Variants in DRG2 observed in about 807,000 individuals in gnomAD.
DRG2 encodes the protein developmentally regulated GTP binding protein 2.
DRG2 carries 36 observed loss-of-function variants against 53.4 expected under a neutral mutation model. The observed-to-expected ratio is 0.67, with a 90% CI of 0.52 to 0.89. The LOEUF is 0.89. DRG2 is among the 40% of genes least tolerant of loss of function. DRG2 has a pLI of 0.00. For synonymous variants in DRG2, 167 were observed against 192.1 expected, an observed-to-expected ratio of 0.87 and a Z score of 1.08; for missense variants, 342 against 481.2, an observed-to-expected ratio of 0.71 and a Z score of 2.71.
intron 11 of DRG2, 111 bp from the exon 12 acceptor site, chr17:18,106,322 G>A (rs908222916): frequency 1.1e-5 from 13 of 1,231,998 alleles, no homozygotes; most frequent in South Asian, 6.1e-5. Context: ...GGCACCTGCC[G>A]CGGGAACTCC....
In DRG2 at chr17:18,101,496, T is replaced by A. The variant is rs1236637499; in HGVS notation, c.635T>A (p.Ile212Asn). 6.2e-7 allele frequency: 1 copy of A among 1,614,054 alleles called. No homozygotes were observed. Among genetic ancestry groups the A allele is most frequent in the Non-Finnish European group, 8.5e-7 (1 of 1,180,012 alleles). ...GCCCTTAATCGGAGCCCCTCAGAGATCTTCAATGCAGAAGTGCTTTTCCGA... is the reference window on the plus strand; with the variant it reads ...GCCCTTAATCGGAGCCCCTCAGAGAACTTCAATGCAGAAGTGCTTTTCCGA... ...LVQLILHEYK[I>N]FNAEVLFRED... Residue 212 changes from isoleucine (I) to asparagine (N), a missense_variant, in exon 8 of 13, where the codon ATC (isoleucine) becomes AAC (asparagine). Physicochemically the swap from Ile to Asn is moderately radical, Grantham distance 149 (BLOSUM62 -3). Transcript: ENST00000225729.
chr17:18,098,587 C>T lies in DRG2; in HGVS notation c.315+228C>T, dbSNP rs911149211. 6 of 501,890 alleles carry T rather than the reference C, an allele frequency of 1.2e-5. No homozygotes were observed. The highest frequency in any genetic ancestry group is 9.9e-5 in the Admixed American group (3 of 30,184). The allele number at this position is 501,890 out of a possible 1,614,324, so 31.1% of individuals were successfully genotyped here. On this transcript the variant is annotated intron_variant, in intron 3 of 12. Transcript: ENST00000225729. The surrounding 1 kb of genome is among the most constrained non-coding windows in gnomAD (Gnocchi z 4.1). ...AGGAGGTCAGGCCAGCATGTGGCTA[C>T]TTTGCCTGGCGCCCCCTGTGCTCTC...
chr17:18,097,321 T>C (rs1242904056), intron 2 of DRG2: 3 of 152,294 alleles, frequency 2.0e-5, no homozygotes, highest in African/African-American at 7.2e-5. Flanking sequence ...ATTCTGGACT[T>C]GAGAGGTCTA....
Position 18,107,349 on chromosome 17 carries a change from A to G in DRG2, c.*109A>G. ...AAATACAAATACACGTACCCCAGGA[A>G]GGGGTCCCTCAAGTCTCTGCTATTT... On this transcript the variant is annotated 3_prime_UTR_variant, in exon 13 of 13. Coordinates refer to ENST00000225729, the MANE Select transcript of DRG2 (RefSeq NM_001388.5). 1 of 1,094,330 alleles carries G rather than the reference A, an allele frequency of 9.1e-7. No homozygotes were observed. Among genetic ancestry groups the G allele is most frequent in the Non-Finnish European group, 1.3e-6 (1 of 746,578 alleles). 67.8% of individuals were successfully genotyped at this position (1,094,330 alleles called of 1,614,324 possible).
chr17:18,093,999 G>A (rs768135292), intron 2 of DRG2, 26 bp downstream of exon 2: 86 of 1,596,786 alleles, frequency 5.4e-5, no homozygotes, highest in Non-Finnish European at 6.9e-5. Context: ...TGTGGGCCTC[G>A]GGGAGGAAAG....
chr17:18,103,886 G>A lies in DRG2; in HGVS notation c.892G>A (p.Gly298Arg), dbSNP rs200648354. Reference sequence around the variant, plus strand: ...GACCTGCATCTACACCAAGAAGAGAGGACGTGAGTTGCACTGCGCGTAGCT... The same window carrying A: ...GACCTGCATCTACACCAAGAAGAGAAGACGTGAGTTGCACTGCGCGTAGCT... ...ALTCIYTKKR[G>R]QRPDFTDAII... The change falls in exon 10 of 13, where the codon GGA (glycine) becomes AGA (arginine). Residue 298 changes from glycine (G) to arginine (R), a missense_variant. Transcript: ENST00000225729. The surrounding 1 kb of genome is among the most constrained non-coding windows in gnomAD (Gnocchi z 4.4). The A allele has an allele frequency of 1.9e-6, 3 of 1,614,038 alleles. No homozygotes were observed.
intron 9 of DRG2, 109 bp downstream of exon 9, chr17:18,102,106 CTCCA>C: frequency 8.6e-7 from 1 of 1,158,040 alleles, no homozygotes; most frequent in Non-Finnish European, 1.2e-6. Flanking sequence ...CCAGCACAGC[CTCCA>C]GCAGCACACA....
chr17:18,094,479 T>C (rs1173977786), intron 2 of DRG2, among the ~76,000 whole-genome samples: 1 of 152,070 alleles, frequency 6.6e-6, no homozygotes, highest in African/African-American at 2.4e-5. Context: ...GTGAGTGAGC[T>C]TGCAGAGTCC....
rs17855350 is a variant in DRG2 at position 18,100,609 on chromosome 17, C to T, written c.581C>T (p.Thr194Met). The T allele has an allele frequency of 1.8e-3, 2,975 of 1,614,186 alleles. 10 individuals carry two copies. In the Middle Eastern group the frequency reaches 0.021, roughly 12 times the overall value. ...GGCATCTCCTTTAACTCGACAGTCACGCTGACCCAGTGCTCGGAAAAGCTG... is the reference window on the plus strand; with the variant it reads ...GGCATCTCCTTTAACTCGACAGTCATGCTGACCCAGTGCTCGGAAAAGCTG... ...GGGISFNSTV[T>M]LTQCSEKLVQ... Residue 194 changes from threonine to methionine, a missense_variant, in exon 7 of 13, where the codon ACG becomes ATG. Thr to Met is a moderately conservative substitution (Grantham distance 81). Coordinates refer to ENST00000225729, the MANE Select transcript of DRG2 (RefSeq NM_001388.5). This position sits in a 1 kb window ranked among gnomAD's most constrained non-coding sequence, Gnocchi z 4.1.
intron 2 of DRG2, 145 bp downstream of exon 2, chr17:18,094,118 C>G: frequency 9.2e-7 from 1 of 1,086,778 alleles, no homozygotes; most frequent in East Asian, 2.7e-5. Context: ...GATCCCAGCC[C>G]TTTATCATCC....
chr17:18,096,682 A>G (rs1044378366), intron 2 of DRG2: 2 of 152,244 alleles, frequency 1.3e-5, no homozygotes, highest in African/African-American at 4.8e-5. Context: ...TTTTTACAGA[A>G]TCACTCTGGC....
chr17:18,103,160 G>A lies in DRG2; in HGVS notation c.807-641G>A, dbSNP rs929497043. ...TTTGAGGGGCTGCCATCCTCAGGGC[G>A]TGAGAGCTTCTACACCTTTACCTGC... On this transcript the variant is annotated intron_variant, in intron 9 of 12. Transcript: ENST00000225729. The surrounding 1 kb of genome is among the most constrained non-coding windows in gnomAD (Gnocchi z 4.4). Among the ~76,000 whole-genome samples, 8 of 152,106 alleles carry A rather than the reference G, an allele frequency of 5.3e-5. No homozygotes were observed. Among genetic ancestry groups the A allele is most frequent in the African/African-American group, 7.2e-5 (3 of 41,416 alleles).
chr17:18,091,405 G>T (rs994241982), intron 1 of DRG2, among the ~76,000 whole-genome samples: 1 of 152,136 alleles, frequency 6.6e-6, no homozygotes, highest in African/African-American at 2.4e-5. Context: ...GGGCGACACG[G>T]TGAAACCCCG....
Position 18,100,366 on chromosome 17 carries a change from T to G in DRG2, c.471T>G (p.Ser157=). The G allele has an allele frequency of 1.9e-6, 3 of 1,614,176 alleles. No homozygotes were observed. The highest frequency in any genetic ancestry group is 2.5e-6 in the Non-Finnish European group (3 of 1,180,044). ...LDATKGEVQR[S]LLEKELESVG... ...GCTTAAGGGGTACTCTTCCTAGGTC[T>G]CTGCTGGAGAAGGAGCTGGAGTCTG... is the stretch of plus-strand genomic sequence containing the variant. The change falls in exon 6 of 13, where the codon TCT becomes TCG. Residue 157 remains serine (S), a synonymous_variant. Coordinates refer to ENST00000225729, the MANE Select transcript of DRG2 (RefSeq NM_001388.5). This position sits in a 1 kb window ranked among gnomAD's most constrained non-coding sequence, Gnocchi z 4.1.
In DRG2 at chr17:18,088,267, GC is replaced by G. The variant is rs763897876; in HGVS notation, c.64+183del. On this transcript the variant is annotated intron_variant, in intron 1 of 12. Transcript: ENST00000225729. Reference sequence around the variant, plus strand: ...AGGGCCAGGCGGGAGCGGGTCTCACGCCCAGGTCTGACTGCAAACGTACCCC... The same window carrying G: ...AGGGCCAGGCGGGAGCGGGTCTCACGCCAGGTCTGACTGCAAACGTACCCC... Among the ~76,000 whole-genome samples the G allele has an allele frequency of 2.6e-5, 4 of 152,376 alleles. No individual in the cohort carries two copies. The East Asian group carries it at 7.7e-4, about 29-fold the overall frequency.
chr17:18,089,614 C>T (rs867230720), intron 1 of DRG2, among the ~76,000 whole-genome samples: 39 of 152,206 alleles, frequency 2.6e-4, no homozygotes, highest in African/African-American at 9.4e-4. Flanking sequence ...CAGGGTGATA[C>T]AGCAGAATAT....
Position 18,103,769 on chromosome 17 carries a change from C to G in DRG2, c.807-32C>G, listed in dbSNP as rs761208351. ...CCCCAGCCTCTGAATTCACAGGGGCCCCTGCCTGACTGGCCGCCTCCCTCT... is the reference window on the plus strand; with the variant it reads ...CCCCAGCCTCTGAATTCACAGGGGCGCCTGCCTGACTGGCCGCCTCCCTCT... On this transcript the variant is annotated intron_variant, in intron 9 of 12. Coordinates refer to ENST00000225729, the MANE Select transcript of DRG2 (RefSeq NM_001388.5). This position sits in a 1 kb window ranked among gnomAD's most constrained non-coding sequence, Gnocchi z 4.4. 1 of 1,610,556 alleles carries G rather than the reference C, an allele frequency of 6.2e-7. No homozygotes were observed. Among genetic ancestry groups the G allele is most frequent in the South Asian group, 1.1e-5 (1 of 91,022 alleles).
At chr17:18,106,572 G>T in intron 12 of DRG2, 86 bp downstream of exon 12, 1 of 1,471,302 alleles carries the variant, frequency 6.8e-7, no homozygotes, top group South Asian at 1.1e-5. Context: ...CACACTCTCT[G>T]CGTGGTGTTC....
In DRG2 at chr17:18,100,983, G is replaced by A. The variant is rs1393546104; in HGVS notation, c.631+324G>A. Among the ~76,000 whole-genome samples, 1 of 152,224 alleles carries A rather than the reference G, an allele frequency of 6.6e-6. No individual in the cohort carries two copies. Among genetic ancestry groups the A allele is most frequent in the African/African-American group, 2.4e-5 (1 of 41,456 alleles). ...AAGCCCCAGGGAGAGCTGGGGAATG[G>A]GTGGTGCCTCTAAAGTAGTGTCGGG... On this transcript the variant is annotated intron_variant, in intron 7 of 12. Transcript: ENST00000225729. This position sits in a 1 kb window ranked among gnomAD's most constrained non-coding sequence, Gnocchi z 4.1.
Sources: allele counts gnomAD v4.1 joint callset (sites outside exome capture counted in the v4.1 genomes callset), GRCh38; gene constraint gnomAD v4.1.1; non-coding constraint Gnocchi (gnomAD v3.1); transcripts MANE v1.5; gene names NCBI Gene and HGNC (gene_info 2026-07-23, HGNC 2026-07-21).